Variants in SMURF1 observed in about 807,000 individuals in gnomAD.
SMURF1 encodes SMAD specific E3 ubiquitin protein ligase 1.
Under a neutral mutation model 98.0 loss-of-function variants are expected in SMURF1, and 44 were observed. The observed-to-expected ratio is 0.45, with a 90% CI of 0.35 to 0.58. SMURF1 has a LOEUF of 0.58. Ranked by LOEUF, SMURF1 falls within the 20% of genes least tolerant of loss-of-function variation. The probability of loss-of-function intolerance (pLI) is 0.00; values close to 1 mark genes in which losing one functional copy is unlikely to be tolerated. For missense variants in SMURF1, 687 were observed against 938.4 expected (o/e 0.73, Z 3.50); for synonymous variants, 396 against 374.9 (o/e 1.06, Z -0.65).
intron 7 of SMURF1, 63 bp from the exon 8 acceptor site, chr7:99,051,504 C>T: frequency 8.3e-7 from 1 of 1,205,674 alleles, no homozygotes; most frequent in Non-Finnish European, 1.2e-6. Context: ...TTGTAACCAA[C>T]CCTCGATGCC....
chr7:99,035,798 A>G, intron 15 of SMURF1, 82 bp from the exon 16 acceptor site: 1 of 1,378,208 alleles, frequency 7.3e-7, no homozygotes, highest in East Asian at 2.5e-5. Flanking sequence ...CCGACACACA[A>G]CAGTGAAAAG....
chr7:99,062,651 C>A (rs1226138470), intron 1 of SMURF1, among the ~76,000 whole-genome samples: 1 of 152,094 alleles, frequency 6.6e-6, no homozygotes, highest in African/African-American at 2.4e-5. Context: ...GAGTTCAAGA[C>A]CAGCCTGGCC....
At chr7:99,066,203 C>T (rs1796189848) in intron 1 of SMURF1, among the ~76,000 whole-genome samples, 1 of 152,154 alleles carries the variant, frequency 6.6e-6, no homozygotes, top group South Asian at 2.1e-4. Context: ...TGTCTGTCTT[C>T]CTTTTAAAAT....
Position 99,079,996 on chromosome 7 carries a change from G to GA in SMURF1, c.56-18160dup, listed in dbSNP as rs58628670. On this transcript the variant is annotated intron_variant, in intron 1 of 17. Transcript: ENST00000361368. ...CCGGTTCTTTTAAAAGATTAGTTAA[G>GA]AAAAAAAAAAAAAGAACAAACCTTT... Among the ~76,000 whole-genome samples, 358 of 125,476 alleles carry GA rather than the reference G, an allele frequency of 2.9e-3. 2 individuals carry two copies. The highest frequency in any genetic ancestry group is 8.2e-3 in the African/African-American group (239 of 29,312). 82.3% of individuals were successfully genotyped at this position (125,476 alleles called of 152,430 possible).
At chr7:99,063,235 ATTTATT>A (rs1796081275) in intron 1 of SMURF1, among the ~76,000 whole-genome samples, 1 of 18,710 alleles carries the variant, frequency 5.3e-5, no homozygotes, top group African/African-American at 1.3e-4. Flanking sequence ...TATATATAAG[ATTTATT>A]TATATATATA....
chr7:99,052,005 A>G (rs2008258), intron 7 of SMURF1, among the ~76,000 whole-genome samples, 200 bp downstream of exon 7: 95,237 of 151,998 alleles, frequency 0.63, 32,133 homozygotes, highest in African/African-American at 0.9. Flanking sequence ...AAAATTAGCC[A>G]GGCATGATGG....
chr7:99,106,832 T>C lies in SMURF1; in HGVS notation c.55+36894A>G, dbSNP rs141128401. Among the ~76,000 whole-genome samples the C allele has an allele frequency of 2.8e-3, 425 of 152,354 alleles. 1 individual carries two copies. The highest frequency in any genetic ancestry group is 9.4e-3 in the African/African-American group (389 of 41,576). On this transcript the variant is annotated intron_variant, in intron 1 of 17. Transcript: ENST00000361368. ...TGGTTTTTCCCAAGTGATTTAAGGATTGAATCAAAGCTAAGCAGCTCTTTG... is the reference window on the plus strand; with the variant it reads ...TGGTTTTTCCCAAGTGATTTAAGGACTGAATCAAAGCTAAGCAGCTCTTTG...
In SMURF1 at chr7:99,029,336, TGAC is replaced by T. The variant is rs1794803891; in HGVS notation, c.*1245_*1247del. On this transcript the variant is annotated 3_prime_UTR_variant, in exon 18 of 18. Coordinates refer to ENST00000361368, the MANE Select transcript of SMURF1 (RefSeq NM_181349.3). ...ATCAAGCCACTTTAAGATAAAATAC[TGAC>T]TTTTGTGCAAACTGGAAATGGTGTC... is the stretch of plus-strand genomic sequence containing the variant. 3 of 152,680 alleles carry T rather than the reference TGAC, an allele frequency of 2.0e-5. No individual in the cohort carries two copies. In the South Asian group the frequency reaches 6.2e-4, roughly 32 times the overall value. The allele number at this position is 152,680 out of a possible 1,614,324, so 9.5% of individuals were successfully genotyped here.
At chr7:99,059,402 AAAAAT>A (rs59050463) in intron 3 of SMURF1, among the ~76,000 whole-genome samples, 6,366 of 77,098 alleles carry the variant, frequency 0.083, 370 homozygotes, top group Admixed American at 0.13. Context: ...CATCTCAAAA[AAAAAT>A]AAAATAAAAT....
chr7:99,056,845 A>G (rs1022774418), intron 5 of SMURF1, among the ~76,000 whole-genome samples: 2 of 152,084 alleles, frequency 1.3e-5, no homozygotes, highest in Admixed American at 6.6e-5. Context: ...TCTACTAAAA[A>G]TACAAAAATT....
chr7:99,061,736 G>T, intron 2 of SMURF1, 63 bp downstream of exon 2: 2 of 1,348,668 alleles, frequency 1.5e-6, no homozygotes, highest in African/African-American at 1.5e-5. Context: ...TTTTTTTAAA[G>T]TTTAAAATTT....
intron 1 of SMURF1, among the ~76,000 whole-genome samples, chr7:99,115,641 A>T (rs1433082463): frequency 6.6e-6 from 1 of 152,138 alleles, no homozygotes; most frequent in Non-Finnish European, 1.5e-5. Context: ...AATACTATGA[A>T]TAATTGTATG....
chr7:99,083,317 G>C (rs1178525415), intron 1 of SMURF1, among the ~76,000 whole-genome samples: 1 of 152,142 alleles, frequency 6.6e-6, no homozygotes, highest in Non-Finnish European at 1.5e-5. Context: ...ACCTCCGTAT[G>C]AAAAAAGTTC....
intron 1 of SMURF1, among the ~76,000 whole-genome samples, chr7:99,140,007 A>C (rs774686776): frequency 3.9e-5 from 6 of 152,224 alleles, no homozygotes; most frequent in Non-Finnish European, 5.9e-5. Context: ...GAATACCACT[A>C]AGCCCAAGTG....
intron 1 of SMURF1, among the ~76,000 whole-genome samples, chr7:99,077,601 G>C (rs1219043029): frequency 1.3e-5 from 2 of 151,998 alleles, no homozygotes; most frequent in East Asian, 3.9e-4. Flanking sequence ...CAAAGTGCTG[G>C]GATTACAGGT....
At chr7:99,143,557 G>A (rs1271064553) in intron 1 of SMURF1, among the ~76,000 whole-genome samples, 169 bp downstream of exon 1, 2 of 124,200 alleles carry the variant, frequency 1.6e-5, no homozygotes, top group Non-Finnish European at 3.5e-5. Flanking sequence ...GGGCAACGGC[G>A]AGGGGGCGGG....
chr7:99,041,308 A>G (rs952633136), intron 12 of SMURF1, among the ~76,000 whole-genome samples: 3 of 152,142 alleles, frequency 2.0e-5, no homozygotes, highest in African/African-American at 7.2e-5. Flanking sequence ...AGGCTGAGGC[A>G]GGAGAATCGC....
intron 17 of SMURF1, among the ~76,000 whole-genome samples, chr7:99,032,148 T>C (rs1354883292): frequency 6.6e-6 from 1 of 152,194 alleles, no homozygotes; most frequent in Non-Finnish European, 1.5e-5. Context: ...ACATAAGACC[T>C]GGCAGAGAGG....
intron 8 of SMURF1, 47 bp from the exon 9 acceptor site, chr7:99,049,756 G>A (rs1795698168): frequency 2.5e-6 from 4 of 1,573,342 alleles, no homozygotes; most frequent in African/African-American, 2.7e-5. Flanking sequence ...TGAGTATGGA[G>A]GAATGAGACC....
Sources: allele counts gnomAD v4.1 joint callset (sites outside exome capture counted in the v4.1 genomes callset), GRCh38; gene constraint gnomAD v4.1.1; transcripts MANE v1.5; gene names NCBI Gene and HGNC (gene_info 2026-07-23, HGNC 2026-07-21).